The following NARS2 variants were observed in gnomAD, a reference collection of about 807,000 sequenced individuals.
NARS2 encodes the protein asparaginyl-tRNA synthetase 2, mitochondrial, also known as asparaginyl-tRNA synthetase.
In NARS2, 60 loss-of-function variants were observed where a neutral mutation model predicts 62.9. That is an observed-to-expected ratio of 0.95 (90% CI 0.77 to 1.18). NARS2 has a LOEUF of 1.18. NARS2 is among the 50% of genes most tolerant of loss of function. NARS2 has a pLI of 0.00. For missense variants in NARS2, 619 were observed against 576.4 expected (o/e 1.07, Z -0.76); for synonymous variants, 196 against 200.0 (o/e 0.98, Z 0.17).
intron 5 of NARS2, among the ~76,000 whole-genome samples, chr11:78,535,961 C>A (rs1374819493): frequency 6.6e-6 from 1 of 151,972 alleles, no homozygotes; most frequent in African/African-American, 2.4e-5. Context: ...AACTCATTTT[C>A]CCTTAAAGAA....
chr11:78,470,605 G>A (rs751940131), intron 9 of NARS2, among the ~76,000 whole-genome samples: 10 of 152,082 alleles, frequency 6.6e-5, no homozygotes, highest in Non-Finnish European at 1.3e-4. Flanking sequence ...TTGTGGATGT[G>A]TCATAATTAG....
chr11:78,451,243 T>C (rs1857960136), intron 11 of NARS2, among the ~76,000 whole-genome samples: 1 of 152,198 alleles, frequency 6.6e-6, no homozygotes, highest in African/African-American at 2.4e-5. Flanking sequence ...TAAAGATCAC[T>C]AGAACAATTC....
chr11:78,467,697 A>G (rs1858681845), intron 10 of NARS2, among the ~76,000 whole-genome samples: 1 of 152,182 alleles, frequency 6.6e-6, no homozygotes, highest in Non-Finnish European at 1.5e-5. Context: ...AAGTGTATAC[A>G]CTTTCAGTTA....
At chr11:78,566,327 A>T in intron 3 of NARS2, 55 bp from the exon 4 acceptor site, 3 of 1,438,470 alleles carry the variant, frequency 2.1e-6, no homozygotes, top group Non-Finnish European at 2.8e-6. Context: ...TGTTTAATAA[A>T]ATCAGTTTCC....
intron 11 of NARS2, among the ~76,000 whole-genome samples, chr11:78,462,579 C>T (rs1473962847): frequency 1.3e-5 from 2 of 152,160 alleles, no homozygotes; most frequent in Non-Finnish European, 2.9e-5. Flanking sequence ...TAAAAATACA[C>T]TTTAAAGCTA....
chr11:78,548,582 A>G (rs1229971626), intron 5 of NARS2, among the ~76,000 whole-genome samples: 1 of 152,240 alleles, frequency 6.6e-6, no homozygotes, highest in African/African-American at 2.4e-5. Context: ...ATTTTGGATT[A>G]GCAATATGAA....
chr11:78,515,114 C>T (rs1860855989), intron 6 of NARS2, among the ~76,000 whole-genome samples: 1 of 152,170 alleles, frequency 6.6e-6, no homozygotes, highest in Non-Finnish European at 1.5e-5. Flanking sequence ...ATGAAGTATG[C>T]TGCAGCAGAA....
intron 6 of NARS2, among the ~76,000 whole-genome samples, chr11:78,494,576 C>G (rs1859977948): frequency 6.6e-6 from 1 of 150,948 alleles, no homozygotes; most frequent in African/African-American, 2.4e-5. Flanking sequence ...TCAGTAAGAC[C>G]CAATTGGTAG....
At chr11:78,569,123 T>G (rs1590877573) in intron 2 of NARS2, among the ~76,000 whole-genome samples, 1 of 151,510 alleles carries the variant, frequency 6.6e-6, no homozygotes, top group Non-Finnish European at 1.5e-5. Flanking sequence ...TTTTTGCAAT[T>G]AAAAAAAAAT....
chr11:78,545,181 T>C (rs981482850), intron 5 of NARS2, among the ~76,000 whole-genome samples: 1 of 152,242 alleles, frequency 6.6e-6, no homozygotes, highest in Non-Finnish European at 1.5e-5. Flanking sequence ...CAATTAAGTG[T>C]ATAAAAAGTT....
At position 78,436,550 on chromosome 11, in the gene NARS2, G is replaced by A; in HGVS notation, c.*120C>T. The stretch of plus-strand genomic sequence containing the variant: ...TTATATTTTTTCTATGATATCTTAT[G>A]GCACAACAATTACATATTGAAATCT... On this transcript the variant is annotated 3_prime_UTR_variant, in exon 14 of 14. Coordinates refer to ENST00000281038, the MANE Select transcript of NARS2 (RefSeq NM_024678.6). The A allele has an allele frequency of 8.6e-7, 1 of 1,164,536 alleles. No homozygotes were observed. Among genetic ancestry groups the A allele is most frequent in the South Asian group, 1.6e-5 (1 of 60,746 alleles). 72.1% of individuals were successfully genotyped at this position (1,164,536 alleles called of 1,614,324 possible). A position where few individuals can be genotyped will look rare whatever the true frequency, so the allele number is the denominator to read the frequency against.
At chr11:78,468,549 C>T (rs1489838370) in intron 10 of NARS2, among the ~76,000 whole-genome samples, 13 of 150,746 alleles carry the variant, frequency 8.6e-5, no homozygotes, top group Admixed American at 1.3e-4. Context: ...GGACTACAGG[C>T]GCCCGCCACC....
At chr11:78,537,214 AGT>A (rs1427709860) in intron 5 of NARS2, among the ~76,000 whole-genome samples, 1 of 151,874 alleles carries the variant, frequency 6.6e-6, no homozygotes. Context: ...ATGCAGAGAG[AGT>A]GTGTGTGTGT....
chr11:78,454,302 T>C (rs889909520), intron 11 of NARS2, among the ~76,000 whole-genome samples: 12 of 152,182 alleles, frequency 7.9e-5, no homozygotes, highest in Admixed American at 2.6e-4. Flanking sequence ...CCCTCTAATA[T>C]TGGAGGTGGG....
At chr11:78,512,774 A>C (rs960300352) in intron 6 of NARS2, among the ~76,000 whole-genome samples, 1 of 152,130 alleles carries the variant, frequency 6.6e-6, no homozygotes. Flanking sequence ...AAAAATTTTA[A>C]AATTTTTTAA....
At chr11:78,534,996 G>A (rs1049998876) in intron 5 of NARS2, among the ~76,000 whole-genome samples, 2 of 152,148 alleles carry the variant, frequency 1.3e-5, no homozygotes, top group Non-Finnish European at 2.9e-5. Flanking sequence ...TATATTAGTG[G>A]TACACAAGTA....
intron 9 of NARS2, among the ~76,000 whole-genome samples, chr11:78,476,383 T>C (rs996215361): frequency 2.0e-5 from 3 of 152,218 alleles, no homozygotes; most frequent in African/African-American, 7.2e-5. Context: ...GGAAACTGGA[T>C]AGCTGTCTCT....
chr11:78,505,917 G>A (rs1019496471), intron 6 of NARS2, among the ~76,000 whole-genome samples: 1 of 152,126 alleles, frequency 6.6e-6, no homozygotes, highest in South Asian at 2.1e-4. Context: ...AAAATGGAAA[G>A]AAAAGGCAGA....
At chr11:78,566,310 G>T (rs1856742650) in intron 3 of NARS2, 38 bp from the exon 4 acceptor site, 1 of 1,521,196 alleles carries the variant, frequency 6.6e-7, no homozygotes, top group Non-Finnish European at 8.9e-7. Context: ...GAAGTCAAAA[G>T]AGATACTGTT....
Sources: gnomAD v4.1 joint callset for allele counts (sites outside exome capture counted in the v4.1 genomes callset) on GRCh38, gnomAD v4.1.1 for gene constraint, MANE v1.5 for transcripts, NCBI Gene and HGNC (gene_info 2026-07-23, HGNC 2026-07-21) for gene names.